The following TPM4 variants were observed in gnomAD, a reference collection of about 807,000 sequenced individuals.
TPM4 encodes tropomyosin alpha-4 chain.
TPM4 carries 17 observed loss-of-function variants against 35.8 expected under a neutral mutation model. That is an observed-to-expected ratio of 0.47 (90% CI 0.32 to 0.71). TPM4 has a LOEUF of 0.71. Among genes scored for constraint, TPM4 ranks in the 30% least tolerant of loss-of-function variants. TPM4 has a pLI of 0.03. For synonymous variants in TPM4, 120 were observed against 122.9 expected (o/e 0.98, Z 0.15); for missense variants, 240 against 320.9 (o/e 0.75, Z 1.93).
rs1038485193 is a variant in TPM4, at chr19:16,099,141, G to T, written c.665-2123G>T. On this transcript the variant is annotated intron_variant, in intron 7 of 7. Coordinates refer to ENST00000643579, the MANE Select transcript of TPM4 (RefSeq NM_003290.3). ...GTCACCCAGGCTGGAGGGCAGTGAC[G>T]CAATCTCGGCTCACTGCAGTGTCCG... Among the ~76,000 whole-genome samples the T allele has an allele frequency of 2.6e-5, 4 of 151,946 alleles. No homozygotes were observed. In the East Asian group the frequency reaches 5.9e-4, roughly 22 times the overall value.
At chr19:16,096,365 C>T (rs1399487003) in intron 7 of TPM4, among the ~76,000 whole-genome samples, 3 of 152,170 alleles carry the variant, frequency 2.0e-5, no homozygotes, top group African/African-American at 7.2e-5. Context: ...CGCGCCCATC[C>T]CCAATGGTTT....
chr19:16,101,989 T>C lies in TPM4; in HGVS notation c.*643T>C, dbSNP rs1232706856. 3 of 216,162 alleles carry C rather than the reference T, an allele frequency of 1.4e-5. No individual in the cohort carries two copies. The highest frequency in any genetic ancestry group is 2.8e-5 in the Non-Finnish European group (3 of 107,466). The allele number at this position is 216,162 out of a possible 1,614,324, so 13.4% of individuals were successfully genotyped here. A position where few individuals can be genotyped will look rare whatever the true frequency, so the allele number is the denominator to read the frequency against. On this transcript the variant is annotated 3_prime_UTR_variant, in exon 8 of 8. Transcript: ENST00000643579. The stretch of plus-strand genomic sequence containing the variant: ...GGAAATAGTCATAATTACCCACATA[T>C]AGTAATTAATAGATGGTAATTAATT...
At chr19:16,097,968 A>T (rs1855797467) in intron 7 of TPM4, among the ~76,000 whole-genome samples, 1 of 151,958 alleles carries the variant, frequency 6.6e-6, no homozygotes, top group Non-Finnish European at 1.5e-5. Context: ...CCCCTCACAC[A>T]TTGCCATATA....
intron 1 of TPM4, 51 bp downstream of exon 1, chr19:16,076,748 C>A: frequency 7.8e-7 from 1 of 1,282,994 alleles, no homozygotes; most frequent in Non-Finnish European, 9.9e-7. Flanking sequence ...CCCCCGCGCG[C>A]CCTCCTTTCT....
At chr19:16,098,451 A>AG (rs1288584290) in intron 7 of TPM4, among the ~76,000 whole-genome samples, 1 of 152,156 alleles carries the variant, frequency 6.6e-6, no homozygotes, top group African/African-American at 2.4e-5. Context: ...CGCCTCAAAA[A>AG]AAAAGAAAAG....
intron 3 of TPM4, 49 bp from the exon 4 acceptor site, chr19:16,087,978 G>A (rs530525344): frequency 6.3e-7 from 1 of 1,577,570 alleles, no homozygotes; most frequent in South Asian, 1.2e-5. Context: ...GATGGGAGAG[G>A]ACACGGCTGG....
In TPM4 at chr19:16,093,566, G is replaced by A. The variant is rs2090654205; in HGVS notation, c.562G>A (p.Glu188Lys). The A allele has an allele frequency of 1.9e-6, 3 of 1,614,184 alleles. No individual in the cohort carries two copies. Among genetic ancestry groups the A allele is most frequent in the South Asian group, 1.1e-5 (1 of 91,082 alleles). ...YSEKEDKYEE[E>K]IKLLSDKLKE... ...TGAAAAGGAGGACAAATATGAAGAA[G>A]AAATTAAACTTCTGTCTGACAAACT... is the stretch of plus-strand genomic sequence containing the variant. Residue 188 changes from glutamate (E) to lysine (K), a missense_variant, in exon 6 of 8, where the codon GAA becomes AAA. By Grantham distance (56) the Glu-to-Lys change is moderately conservative. Transcript: ENST00000643579.
chr19:16,091,941 G>T (rs576892768), intron 5 of TPM4, among the ~76,000 whole-genome samples: 1 of 151,952 alleles, frequency 6.6e-6, no homozygotes, highest in Non-Finnish European at 1.5e-5. Context: ...CGAGGCAGGC[G>T]GATCACCTGA....
intron 2 of TPM4, among the ~76,000 whole-genome samples, chr19:16,082,650 C>T (rs1198292255): frequency 6.6e-6 from 1 of 152,126 alleles, no homozygotes; most frequent in East Asian, 1.9e-4. Context: ...CACTGCTTCT[C>T]GTATTTTCTC....
At position 16,070,890 on chromosome 19, in the gene TPM4, T is replaced by G. The variant is rs1033966119; in HGVS notation, c.114+3152T>G. On this transcript the variant is annotated intron_variant, in intron 2 of 2. Coordinates refer to the TPM4 transcript ENST00000589897. This position sits in a 1 kb window ranked among gnomAD's most constrained non-coding sequence, Gnocchi z 7.4. ...GCAAACACAGACATTCATCCTGTGC[T>G]GGGCCAGCTTCTAGCCATCATTTAG... Among the ~76,000 whole-genome samples, 1 of 152,224 alleles carries G rather than the reference T, an allele frequency of 6.6e-6. No individual in the cohort carries two copies. The highest frequency in any genetic ancestry group is 6.5e-5 in the Admixed American group (1 of 15,282).
At chr19:16,076,084 A>G (rs747354752), upstream of TPM4, 2 of 1,608,652 alleles carry the variant, frequency 1.2e-6, no homozygotes, top group Non-Finnish European at 1.7e-6. Context: ...AAGAAACTAA[A>G]AGGGACAGAG....
chr19:16,076,649 G>T lies in TPM4; in HGVS notation c.84G>T (p.Ala28=). 2 of 1,433,974 alleles carry T rather than the reference G, an allele frequency of 1.4e-6. No individual in the cohort carries two copies. The highest frequency in any genetic ancestry group is 1.8e-6 in the Non-Finnish European group (2 of 1,098,152). 88.8% of individuals were successfully genotyped at this position (1,433,974 alleles called of 1,614,324 possible). A position where few individuals can be genotyped will look rare whatever the true frequency, so the allele number is the denominator to read the frequency against. The part of the protein sequence containing the change: ...QQQADEAEDR[A]QGLQRELDGE... ...AGGCGGACGAGGCGGAAGACCGCGC[G>T]CAGGGCCTGCAGCGGGAGCTGGACG... Residue 28 remains alanine (A), a synonymous_variant, in exon 1 of 8, where the codon GCG becomes GCT. Coordinates refer to ENST00000643579, the MANE Select transcript of TPM4 (RefSeq NM_003290.3).
At position 16,067,778 on chromosome 19, in the gene TPM4, G is replaced by A. The variant is rs749795144; in HGVS notation, c.114+40G>A. The A allele has an allele frequency of 3.2e-6, 5 of 1,584,104 alleles. No individual in the cohort carries two copies. In the African/African-American group the frequency reaches 6.8e-5, roughly 22 times the overall value. ...GCTGGGCCGCTCCGGGCTGCTGGGAGTCCTCTCTGTGCGGAAGGCCGGGGT... is the reference window on the plus strand; with the variant it reads ...GCTGGGCCGCTCCGGGCTGCTGGGAATCCTCTCTGTGCGGAAGGCCGGGGT... On this transcript the variant is annotated intron_variant, in intron 2 of 2. Transcript: ENST00000589897. This position sits in a 1 kb window ranked among gnomAD's most constrained non-coding sequence, Gnocchi z 4.1.
intron 5 of TPM4, among the ~76,000 whole-genome samples, chr19:16,092,652 T>C (rs1418376173): frequency 1.3e-5 from 2 of 151,948 alleles, no homozygotes; most frequent in Non-Finnish European, 2.9e-5. Flanking sequence ...TCTCATGCCT[T>C]AGCCTCCTGA....
chr19:16,097,537 G>A (rs1456574410), intron 7 of TPM4, among the ~76,000 whole-genome samples: 2 of 151,738 alleles, frequency 1.3e-5, no homozygotes, highest in Non-Finnish European at 2.9e-5. Flanking sequence ...GCCTCCCAAA[G>A]TGCTGGGATT....
At chr19:16,094,616 A>G (rs1205483456) in intron 7 of TPM4, among the ~76,000 whole-genome samples, 2 of 150,996 alleles carry the variant, frequency 1.3e-5, no homozygotes, top group Admixed American at 1.3e-4. Flanking sequence ...CATGCCTTGC[A>G]TTTTTGCAGA....
chr19:16,092,506 A>G (rs1479915907), intron 5 of TPM4, among the ~76,000 whole-genome samples: 3 of 151,038 alleles, frequency 2.0e-5, no homozygotes, highest in African/African-American at 7.3e-5. Flanking sequence ...TCTGCTGGGG[A>G]AAGGTGCCTG....
rs2090522387 is a variant in TPM4 at position 16,084,349 on chromosome 19, C to A, written c.267-2074C>A. Among the ~76,000 whole-genome samples, 3 of 152,238 alleles carry A rather than the reference C, an allele frequency of 2.0e-5. No individual in the cohort carries two copies. In the South Asian group the frequency reaches 6.2e-4, roughly 32 times the overall value. On this transcript the variant is annotated intron_variant, in intron 2 of 7. Coordinates refer to ENST00000643579, the MANE Select transcript of TPM4 (RefSeq NM_003290.3). The stretch of plus-strand genomic sequence containing the variant: ...GAACAGCCAGGGCAGAGGGAACAGA[C>A]GCTACTGCAGACTCTGCTTCAGCCA...
intron 3 of TPM4, among the ~76,000 whole-genome samples, chr19:16,087,444 G>A (rs1028301668): frequency 6.6e-6 from 1 of 152,300 alleles, no homozygotes; most frequent in Non-Finnish European, 1.5e-5. Flanking sequence ...GGGCATGGTC[G>A]TGCATGCCTG....
Sources: allele counts gnomAD v4.1 joint callset (sites outside exome capture counted in the v4.1 genomes callset), GRCh38; gene constraint gnomAD v4.1.1; non-coding constraint Gnocchi (gnomAD v3.1); transcripts MANE v1.5; gene names NCBI Gene and HGNC (gene_info 2026-07-23, HGNC 2026-07-21).